The following ABL2 variants were observed in gnomAD, a reference collection of about 807,000 sequenced individuals.
The protein encoded by ABL2 is tyrosine-protein kinase ABL2.
A neutral mutation model predicts 107.7 loss-of-function variants in ABL2; 49 were observed. The ratio of observed to expected loss-of-function variants is 0.45; its 90% confidence interval spans 0.36 to 0.58. The LOEUF (loss-of-function observed/expected upper bound fraction) is 0.58. Ranked by LOEUF, ABL2 falls within the 20% of genes least tolerant of loss-of-function variation. The probability of loss-of-function intolerance (pLI) is 0.00; values close to 1 mark genes in which losing one functional copy is unlikely to be tolerated. For synonymous variants in ABL2, 549 were observed against 548.6 expected, an observed-to-expected ratio of 1.00 and a Z score of -0.01; for missense variants, 1,245 against 1,457.0, an observed-to-expected ratio of 0.85 and a Z score of 2.37.
chr1:179,174,920 A>AAAAAAAAAAAAAT (rs1659958398), intron 1 of ABL2, among the ~76,000 whole-genome samples: 1 of 122,874 alleles, frequency 8.1e-6, no homozygotes. Flanking sequence ...AAAATAAAAA[A>AAAAAAAAAAAAAT]AATAATAATA....
intron 1 of ABL2, chr1:179,202,035 T>C (rs1271194239): frequency 4.1e-6 from 2 of 491,308 alleles, no homozygotes; most frequent in African/African-American, 4.1e-5. Context: ...GTCATTTTTT[T>C]TTCTTTGAAT....
chr1:179,164,856 T>G (rs1024580228), intron 1 of ABL2, among the ~76,000 whole-genome samples: 6 of 152,224 alleles, frequency 3.9e-5, no homozygotes, highest in Admixed American at 3.3e-4. Context: ...AGACCGCCAG[T>G]GGATTCCTGA....
At chr1:179,152,920 C>T (rs1473655733) in intron 1 of ABL2, among the ~76,000 whole-genome samples, 1 of 152,084 alleles carries the variant, frequency 6.6e-6, no homozygotes, top group Admixed American at 6.6e-5. Flanking sequence ...AATATTAAAT[C>T]TCTGGTTTGG....
chr1:179,188,387 CA>C (rs879648642), intron 1 of ABL2, among the ~76,000 whole-genome samples: 46 of 144,550 alleles, frequency 3.2e-4, no homozygotes, highest in Admixed American at 9.0e-4. Context: ...ACTAACAATA[CA>C]AAAAAAAAAA....
intron 10 of ABL2, among the ~76,000 whole-genome samples, chr1:179,111,495 A>C (rs370990830): frequency 1.5e-4 from 23 of 151,134 alleles, no homozygotes; most frequent in African/African-American, 3.9e-4. Flanking sequence ...CATGTTGGCC[A>C]CGCTAGTCTC....
At chr1:179,204,273 C>T (rs1032773659) in intron 1 of ABL2, among the ~76,000 whole-genome samples, 1 of 151,938 alleles carries the variant, frequency 6.6e-6, no homozygotes, top group Non-Finnish European at 1.5e-5. Context: ...GTGATCCACC[C>T]GCCTCTGCCT....
intron 1 of ABL2, among the ~76,000 whole-genome samples, chr1:179,163,703 C>T (rs370353484): frequency 6.6e-6 from 1 of 152,136 alleles, no homozygotes; most frequent in East Asian, 1.9e-4. Flanking sequence ...GCTGTGATCG[C>T]GCCACCGCAC....
At chr1:179,179,797 T>C (rs1255593707) in intron 1 of ABL2, among the ~76,000 whole-genome samples, 1 of 152,032 alleles carries the variant, frequency 6.6e-6, no homozygotes, top group Non-Finnish European at 1.5e-5. Context: ...TACTATATTC[T>C]TTCATTCAAG....
At chr1:179,119,627 G>C (rs1008655634) in intron 6 of ABL2, among the ~76,000 whole-genome samples, 1 of 151,094 alleles carries the variant, frequency 6.6e-6, no homozygotes, top group African/African-American at 2.4e-5. Context: ...TTTGTGACCT[G>C]AACAGTGAAA....
rs1352220320 is a variant in ABL2, at chr1:179,126,107, AGC to A, written c.687+268_687+269del. On this transcript the variant is annotated intron_variant, in intron 4 of 11. Transcript: ENST00000502732. This position sits in a 1 kb window ranked among gnomAD's most constrained non-coding sequence, Gnocchi z 4.4. ...ATATTTGTGTACTGATTATAAGAAC[AGC>A]TAACTTATAGAGCAGTTCCCTTCAT... Among the ~76,000 whole-genome samples, 1 of 152,226 alleles carries A rather than the reference AGC, an allele frequency of 6.6e-6. No individual in the cohort carries two copies. Among genetic ancestry groups the A allele is most frequent in the African/African-American group, 2.4e-5 (1 of 41,452 alleles).
At chr1:179,176,425 C>T (rs1660048396) in intron 1 of ABL2, among the ~76,000 whole-genome samples, 1 of 152,096 alleles carries the variant, frequency 6.6e-6, no homozygotes, top group Non-Finnish European at 1.5e-5. Context: ...CTCTATTATA[C>T]ATTGTATTCC....
At chr1:179,201,632 C>G (rs1013409062) in intron 1 of ABL2, 1 of 462,332 alleles carries the variant, frequency 2.2e-6, no homozygotes, top group African/African-American at 2.0e-5. Context: ...ACATGGATAC[C>G]CAAGAGTCTT....
intron 9 of ABL2, among the ~76,000 whole-genome samples, chr1:179,113,556 T>C (rs887144685): frequency 1.3e-5 from 2 of 152,148 alleles, no homozygotes; most frequent in African/African-American, 2.4e-5. Context: ...TCCCAGCATT[T>C]TGGGAGACTG....
rs542893449 is a variant in ABL2 at position 179,129,604 on chromosome 1, C to T, written c.391+1707G>A. ...GGCTGAGGCAGCAGAATCGCTTGAA[C>T]CCAGGAGGCACAGCTTGCAGTGAGC... On this transcript the variant is annotated intron_variant, in intron 3 of 11. Transcript: ENST00000502732. Among the ~76,000 whole-genome samples, 36 of 151,998 alleles carry T rather than the reference C, an allele frequency of 2.4e-4. No homozygotes were observed. In the South Asian group the frequency reaches 2.9e-3, roughly 12 times the overall value.
chr1:179,184,097 C>A (rs1660546360), intron 1 of ABL2: 1 of 276,252 alleles, frequency 3.6e-6, no homozygotes, highest in South Asian at 4.3e-5. Flanking sequence ...GAGAATTGAT[C>A]GCCAAAGTTC....
intron 2 of ABL2, 85 bp from the exon 3 acceptor site, chr1:179,131,566 A>T: frequency 7.2e-7 from 1 of 1,394,020 alleles, no homozygotes; most frequent in South Asian, 1.2e-5. Context: ...ACAGTATTTC[A>T]GCTGCTGGCT....
intron 11 of ABL2, 150 bp from the exon 12 acceptor site, chr1:179,109,591 TTCACAGTGACTGGTG>T: frequency 1.5e-6 from 2 of 1,306,454 alleles, no homozygotes; most frequent in Non-Finnish European, 2.0e-6. Flanking sequence ...ACATTATCAT[TTCACAGTGACTGGTG>T]TTCCAAATGT....
chr1:179,110,568 T>C, intron 10 of ABL2, 113 bp from the exon 11 acceptor site: 4 of 1,507,978 alleles, frequency 2.7e-6, no homozygotes, highest in Non-Finnish European at 3.5e-6. Context: ...AGTACTAAAA[T>C]ACATACACGG....
At position 179,142,000 on chromosome 1, in the gene ABL2, G is replaced by A. The variant is rs1436631093; in HGVS notation, c.158-8626C>T. On this transcript the variant is annotated intron_variant, in intron 1 of 11. Transcript: ENST00000502732. ...ATGTCAGTGTTACCCAGTAGCTATA[G>A]TCTATGTCACTTTCCTCATTGGTTA... 3.3e-5 allele frequency among the ~76,000 whole-genome samples: 5 copies of A among 152,234 alleles called. No individual in the cohort carries two copies. The East Asian group carries it at 5.8e-4, about 18-fold the overall frequency.
Sources: gnomAD v4.1 joint callset for allele counts (sites outside exome capture counted in the v4.1 genomes callset) on GRCh38, gnomAD v4.1.1 for gene constraint, Gnocchi (gnomAD v3.1) non-coding constraint, MANE v1.5 for transcripts, NCBI Gene and HGNC (gene_info 2026-07-23, HGNC 2026-07-21) for gene names.